S100PBP: variants seen among roughly 807,000 people sequenced by gnomAD.
S100PBP encodes S100P-binding protein.
A neutral mutation model predicts 39.9 loss-of-function variants in S100PBP; 15 were observed. The ratio of observed to expected loss-of-function variants is 0.38; its 90% CI spans 0.25 to 0.58. S100PBP has a LOEUF of 0.58. S100PBP is among the 20% of genes least tolerant of loss of function. The probability of loss-of-function intolerance (pLI) is 0.70; values close to 1 mark genes in which losing one functional copy is unlikely to be tolerated. For synonymous variants in S100PBP, 178 were observed against 180.3 expected (o/e 0.99, Z 0.10); for missense variants, 504 against 487.3 (o/e 1.03, Z -0.32).
chr1:32,851,618 A>T (rs760215529), intron 5 of S100PBP, among the ~76,000 whole-genome samples: 8 of 151,602 alleles, frequency 5.3e-5, no homozygotes, highest in Non-Finnish European at 8.8e-5. Flanking sequence ...GTGAGCCGAG[A>T]TCACACCACT....
At chr1:32,823,992 A>T (rs2148638042) in intron 1 of S100PBP, among the ~76,000 whole-genome samples, 1 of 152,286 alleles carries the variant, frequency 6.6e-6, no homozygotes, top group East Asian at 1.9e-4. Flanking sequence ...AGGTCAGGAG[A>T]TGGAGACCAT....
rs911021428 is a variant in S100PBP at position 32,856,271 on chromosome 1, G to A, written c.*233G>A. ...TCTGTGTTTAAGCAAGCGTTCGGTT[G>A]GTATAGTTTTTTTTTGTTTTTTTAA... On this transcript the variant is annotated 3_prime_UTR_variant, in exon 7 of 7. Transcript: ENST00000373475. The A allele has an allele frequency of 4.1e-5, 11 of 265,516 alleles. No homozygotes were observed. The highest frequency in any genetic ancestry group is 2.5e-4 in the African/African-American group (11 of 44,590). The allele number at this position is 265,516 out of a possible 1,614,324, so 16.4% of individuals were successfully genotyped here. A position where few individuals can be genotyped will look rare whatever the true frequency, so the allele number is the denominator to read the frequency against.
At chr1:32,843,251 T>A (rs1351108948) in intron 5 of S100PBP, 2 of 152,210 alleles carry the variant, frequency 1.3e-5, no homozygotes, top group Non-Finnish European at 2.9e-5. Context: ...CTTGGATGCC[T>A]TTTATTTTCT....
intron 2 of S100PBP, 122 bp from the exon 3 acceptor site, chr1:32,825,976 C>A (rs1639303237): frequency 1.1e-5 from 7 of 664,316 alleles, no homozygotes; most frequent in Non-Finnish European, 1.6e-5. Flanking sequence ...AAAATTATTT[C>A]TTATGCTACA....
At chr1:32,835,324 T>C (rs915013539) in intron 5 of S100PBP, 6 of 152,198 alleles carry the variant, frequency 3.9e-5, no homozygotes, top group Non-Finnish European at 5.9e-5. Flanking sequence ...TCAATTTGTC[T>C]CAAATTTGAT....
intron 1 of S100PBP, chr1:32,818,897 A>G (rs2335410): frequency 0.96 from 146,430 of 152,388 alleles, 70,618 homozygotes; most frequent in East Asian, 1. Context: ...GCCAGGGGGA[A>G]GTCTTGTCCA....
chr1:32,853,048 GT>G (rs1373453415), intron 5 of S100PBP, 30 bp from the exon 6 acceptor site: 1 of 1,524,170 alleles, frequency 6.6e-7, no homozygotes. Context: ...TCACTCAGCT[GT>G]TCCTAACCAC....
chr1:32,832,974 G>A, intron 5 of S100PBP, among the ~76,000 whole-genome samples: 1 of 146,850 alleles, frequency 6.8e-6, no homozygotes, highest in East Asian at 1.9e-4. Context: ...CTTTAGTTTA[G>A]TGCCCCATGG....
At chr1:32,842,933 G>A (rs1640186263) in intron 5 of S100PBP, 1 of 152,114 alleles carries the variant, frequency 6.6e-6, no homozygotes, top group Non-Finnish European at 1.5e-5. Flanking sequence ...TTTGATTAAA[G>A]TCTTCTCTAA....
At chr1:32,824,233 A>G (rs1228994855) in intron 1 of S100PBP, among the ~76,000 whole-genome samples, 2 of 151,862 alleles carry the variant, frequency 1.3e-5, no homozygotes, top group Admixed American at 6.6e-5. Context: ...GAATGCATGA[A>G]CTAAAGTTAA....
chr1:32,829,907 G>A (rs1436300959), intron 4 of S100PBP, 57 bp from the exon 5 acceptor site: 11 of 1,204,412 alleles, frequency 9.1e-6, no homozygotes, highest in East Asian at 4.7e-5. Flanking sequence ...TCTACAAAAC[G>A]CTATATTCCT....
chr1:32,827,902 A>T, intron 3 of S100PBP, 91 bp from the exon 4 acceptor site: 1 of 817,146 alleles, frequency 1.2e-6, no homozygotes, highest in Non-Finnish European at 2.0e-6. Flanking sequence ...TGTAGCCTTT[A>T]GTTAAAAAAT....
intron 5 of S100PBP, among the ~76,000 whole-genome samples, chr1:32,831,721 A>G (rs1000849240): frequency 6.6e-6 from 1 of 151,920 alleles, no homozygotes; most frequent in Non-Finnish European, 1.5e-5. Context: ...TCCCCCCATC[A>G]TTGGAGGGGC....
At chr1:32,828,928 G>A (rs6666730) in intron 4 of S100PBP, among the ~76,000 whole-genome samples, 100,873 of 152,020 alleles carry the variant, frequency 0.66, 33,833 homozygotes, top group East Asian at 0.79. Flanking sequence ...CTTGAGCCCA[G>A]GGGACAGAGG....
intron 1 of S100PBP, chr1:32,818,246 G>T (rs745360598): frequency 6.6e-6 from 1 of 152,392 alleles, no homozygotes; most frequent in Non-Finnish European, 1.5e-5. Context: ...GGAATTCGCG[G>T]TGTCCCCGGG....
intron 5 of S100PBP, chr1:32,836,480 G>A: frequency 1.1e-6 from 1 of 890,258 alleles, no homozygotes; most frequent in Non-Finnish European, 1.3e-6. Context: ...ATCCTAAAGG[G>A]TGTTAAATCA....
In S100PBP at chr1:32,826,735, C is replaced by T. The variant is rs1231525880; in HGVS notation, c.636C>T (p.Leu212=). 2 of 1,614,176 alleles carry T rather than the reference C, an allele frequency of 1.2e-6. No individual in the cohort carries two copies. Among genetic ancestry groups the T allele is most frequent in the Non-Finnish European group, 1.7e-6 (2 of 1,180,024 alleles). ...PNNSAWNGPQ[L]SSSNNNFQQT... ...ACTCTGCCTGGAATGGGCCCCAGCT[C>T]TCTTCTTCAAACAATAACTTTCAAC... The change falls in exon 3 of 7, where the codon CTC becomes CTT. Residue 212 remains leucine (L), a synonymous_variant. Transcript: ENST00000373475.
intron 5 of S100PBP, among the ~76,000 whole-genome samples, chr1:32,851,863 T>C (rs994840497): frequency 6.6e-6 from 1 of 152,188 alleles, no homozygotes; most frequent in South Asian, 2.1e-4. Context: ...TTATAATGTA[T>C]GTTAAAATTT....
At chr1:32,816,814 T>C (rs2148620431), upstream of S100PBP, 1 of 371,470 alleles carries the variant, frequency 2.7e-6, no homozygotes, top group South Asian at 3.0e-5. Context: ...CAGTACTTAC[T>C]TGAACCGTAA....
Sources: gnomAD v4.1 joint callset for allele counts (sites outside exome capture counted in the v4.1 genomes callset) on GRCh38, gnomAD v4.1.1 for gene constraint, MANE v1.5 for transcripts, NCBI Gene and HGNC (gene_info 2026-07-23, HGNC 2026-07-21) for gene names.